The following CPEB1 variants were observed in gnomAD, a reference collection of about 807,000 sequenced individuals.
CPEB1 encodes cytoplasmic polyadenylation element binding protein 1, also known as cytoplasmic polyadenylation element-binding protein 1.
Under a neutral mutation model 65.8 loss-of-function variants are expected in CPEB1, and 7 were observed. The ratio of observed to expected loss-of-function variants is 0.11; its 90% CI spans 0.06 to 0.20. The LOEUF is 0.20. CPEB1 is among the 10% of genes least tolerant of loss of function. The pLI is 1.00. For missense variants in CPEB1, 551 were observed against 712.2 expected, an observed-to-expected ratio of 0.77 and a Z score of 2.58; for synonymous variants, 262 against 260.0, an observed-to-expected ratio of 1.01 and a Z score of -0.08.
rs2034708473 is a variant in CPEB1, at chr15:82,543,796, C to CGAT, written c.*795_*796insATC. The CGAT allele has an allele frequency of 6.6e-6, 1 of 152,182 alleles. No individual in the cohort carries two copies. Among genetic ancestry groups the CGAT allele is most frequent in the African/African-American group, 2.4e-5 (1 of 41,392 alleles). The allele number at this position is 152,182 out of a possible 1,614,324, so 9.4% of individuals were successfully genotyped here. On this transcript the variant is annotated 3_prime_UTR_variant, in exon 13 of 13. Transcript: ENST00000684509. The stretch of plus-strand genomic sequence containing the variant: ...AGCAGCCGCTCAAACACCGTTTATC[C>CGAT]GGTCCAGTTTCAAATAAAACAAAAA...
intron 1 of CPEB1, chr15:82,638,117 TCA>T (rs2046814985): frequency 3.1e-6 from 1 of 327,786 alleles, no homozygotes; most frequent in Non-Finnish European, 6.3e-6. Context: ...AAATCCAGCC[TCA>T]CACAGATACA....
At chr15:82,554,452 G>A (rs1201905473) in intron 6 of CPEB1, among the ~76,000 whole-genome samples, 2 of 152,150 alleles carry the variant, frequency 1.3e-5, no homozygotes, top group Non-Finnish European at 2.9e-5. Context: ...CCTTGTCTTG[G>A]CTCTGAACTC....
intron 3 of CPEB1, among the ~76,000 whole-genome samples, chr15:82,623,029 G>A (rs898854130): frequency 3.3e-5 from 5 of 152,112 alleles, no homozygotes; most frequent in African/African-American, 1.2e-4. Flanking sequence ...CACCTCTTAG[G>A]GATTCTCATT....
At chr15:82,619,752 A>C (rs1173273605) in intron 3 of CPEB1, among the ~76,000 whole-genome samples, 1 of 152,208 alleles carries the variant, frequency 6.6e-6, no homozygotes, top group Non-Finnish European at 1.5e-5. Context: ...CATACACCCC[A>C]AAATGGCTAA....
At chr15:82,545,887 C>T (rs2035100448) in intron 12 of CPEB1, among the ~76,000 whole-genome samples, 1 of 152,146 alleles carries the variant, frequency 6.6e-6, no homozygotes, top group South Asian at 2.1e-4. Flanking sequence ...TCTACAAAAC[C>T]ACCTCTCAGC....
chr15:82,611,219 T>C (rs1457490309), intron 3 of CPEB1, among the ~76,000 whole-genome samples: 4 of 151,808 alleles, frequency 2.6e-5, no homozygotes, highest in Admixed American at 2.6e-4. Context: ...TGATCTTAGA[T>C]GTAAAAAATC....
chr15:82,603,633 A>C (rs952612155), intron 3 of CPEB1, among the ~76,000 whole-genome samples: 1 of 152,204 alleles, frequency 6.6e-6, no homozygotes, highest in Non-Finnish European at 1.5e-5. Context: ...GCAGAGTTGT[A>C]AACTGTCTGG....
intron 1 of CPEB1, among the ~76,000 whole-genome samples, chr15:82,634,184 GTT>G (rs34681847): frequency 6.8e-6 from 1 of 146,670 alleles, no homozygotes; most frequent in Non-Finnish European, 1.5e-5. Context: ...CATATAACTG[GTT>G]TTTTTTTTTT....
At chr15:82,585,329 G>C (rs1274428547) in intron 3 of CPEB1, among the ~76,000 whole-genome samples, 2 of 152,184 alleles carry the variant, frequency 1.3e-5, no homozygotes, top group Admixed American at 6.5e-5. Flanking sequence ...TACAGACTGT[G>C]ATCAAGACAC....
At chr15:82,572,344 T>C (rs577794267) in intron 3 of CPEB1, among the ~76,000 whole-genome samples, 7 of 152,242 alleles carry the variant, frequency 4.6e-5, no homozygotes, top group African/African-American at 1.4e-4. Flanking sequence ...CACCTGGTGT[T>C]CCAGGCTTGT....
At chr15:82,580,860 T>C (rs1043442471) in intron 3 of CPEB1, among the ~76,000 whole-genome samples, 2 of 151,754 alleles carry the variant, frequency 1.3e-5, no homozygotes, top group African/African-American at 4.8e-5. Flanking sequence ...TTTTTTTTTT[T>C]TCTTTTTTTG....
At chr15:82,589,337 T>TGA (rs1235131123) in intron 3 of CPEB1, among the ~76,000 whole-genome samples, 20 of 152,360 alleles carry the variant, frequency 1.3e-4, no homozygotes. Context: ...TGCTACTTTC[T>TGA]GAGAGAGAGA....
At chr15:82,553,066 T>A (rs941202391) in intron 8 of CPEB1, among the ~76,000 whole-genome samples, 2 of 152,228 alleles carry the variant, frequency 1.3e-5, no homozygotes, top group African/African-American at 4.8e-5. Flanking sequence ...ATCAGATGCT[T>A]GGTCCTCATT....
chr15:82,588,836 T>C (rs751983922), intron 3 of CPEB1, among the ~76,000 whole-genome samples: 8 of 152,194 alleles, frequency 5.3e-5, no homozygotes, highest in Non-Finnish European at 1.2e-4. Context: ...AGGTAAACAA[T>C]AGAACCCATT....
At chr15:82,646,017 T>C (rs2047486272) in intron 1 of CPEB1, among the ~76,000 whole-genome samples, 1 of 152,198 alleles carries the variant, frequency 6.6e-6, no homozygotes, top group Non-Finnish European at 1.5e-5. Context: ...TCCCCAGGGT[T>C]TTCCGACAGC....
At chr15:82,558,157 C>T (rs889189471) in intron 4 of CPEB1, among the ~76,000 whole-genome samples, 171 bp from the exon 5 acceptor site, 5 of 152,162 alleles carry the variant, frequency 3.3e-5, no homozygotes, top group Non-Finnish European at 7.3e-5. Flanking sequence ...GAGACCTGGC[C>T]GCAAGGGCCT....
intron 3 of CPEB1, among the ~76,000 whole-genome samples, chr15:82,604,154 G>C (rs915669289): frequency 6.6e-5 from 10 of 152,144 alleles, no homozygotes; most frequent in Non-Finnish European, 1.5e-4. Flanking sequence ...TTCAAGCCAA[G>C]CCTGGGCAAC....
At chr15:82,603,812 G>A (rs1420514325) in intron 3 of CPEB1, among the ~76,000 whole-genome samples, 1 of 152,158 alleles carries the variant, frequency 6.6e-6, no homozygotes, top group Non-Finnish European at 1.5e-5. Flanking sequence ...TAGCTGAGAA[G>A]AGCCACTAAA....
chr15:82,591,285 G>A (rs761176874), intron 3 of CPEB1, among the ~76,000 whole-genome samples: 2 of 152,116 alleles, frequency 1.3e-5, no homozygotes, highest in African/African-American at 2.4e-5. Flanking sequence ...GTTGTGACAC[G>A]AAGTCTTGCT....
Sources: allele counts gnomAD v4.1 joint callset (sites outside exome capture counted in the v4.1 genomes callset), GRCh38; gene constraint gnomAD v4.1.1; transcripts MANE v1.5; gene names NCBI Gene and HGNC (gene_info 2026-07-23, HGNC 2026-07-21).